WWOX: variants seen among roughly 807,000 people sequenced by gnomAD.
WWOX encodes the protein WW domain containing oxidoreductase.
In WWOX, 69 loss-of-function variants were observed where a neutral mutation model predicts 46.2. The ratio of observed to expected loss-of-function variants is 1.49; its 90% CI spans 1.23 to 1.82. WWOX has a LOEUF of 1.82. WWOX is among the 40% of genes most tolerant of loss of function. WWOX has a pLI of 0.00. For missense variants in WWOX, 919 were observed against 542.6 expected, an observed-to-expected ratio of 1.69 and a Z score of -6.89; for synonymous variants, 359 against 202.6, an observed-to-expected ratio of 1.77 and a Z score of -6.56.
intron 8 of WWOX, among the ~76,000 whole-genome samples, chr16:78,846,158 A>T (rs2052293600): frequency 6.6e-6 from 1 of 152,196 alleles, no homozygotes; most frequent in African/African-American, 2.4e-5. Flanking sequence ...TTTGAAATAA[A>T]TGTTGGCTTA....
chr16:78,327,899 G>C (rs1380898798), intron 5 of WWOX, among the ~76,000 whole-genome samples: 2 of 90,826 alleles, frequency 2.2e-5, no homozygotes, highest in Non-Finnish European at 4.1e-5. Context: ...TTTTTTTTGA[G>C]ATGATCTTCT....
At chr16:78,901,964 G>C (rs1012386894) in intron 8 of WWOX, among the ~76,000 whole-genome samples, 1 of 152,220 alleles carries the variant, frequency 6.6e-6, no homozygotes, top group Non-Finnish European at 1.5e-5. Context: ...ACTCCATTAT[G>C]TGTGTATTTC....
At chr16:78,408,529 T>A (rs541803961) in intron 6 of WWOX, among the ~76,000 whole-genome samples, 13 of 152,276 alleles carry the variant, frequency 8.5e-5, no homozygotes, top group East Asian at 3.9e-4. Context: ...GACAAGCAGT[T>A]GGACCTAGCT....
intron 8 of WWOX, among the ~76,000 whole-genome samples, chr16:78,432,983 A>G (rs2083260192): frequency 6.6e-6 from 1 of 152,086 alleles, no homozygotes; most frequent in Non-Finnish European, 1.5e-5. Flanking sequence ...TATCATGTTA[A>G]GTATGGCTGA....
intron 8 of WWOX, among the ~76,000 whole-genome samples, chr16:78,806,839 T>C (rs552516840): frequency 1.3e-4 from 20 of 152,290 alleles, no homozygotes; most frequent in Non-Finnish European, 1.3e-4. Flanking sequence ...ATGGCCACTT[T>C]TGAAAGATGC....
intron 8 of WWOX, among the ~76,000 whole-genome samples, chr16:79,138,970 A>G (rs570813106): frequency 4.6e-5 from 7 of 152,102 alleles, no homozygotes; most frequent in African/African-American, 9.7e-5. Flanking sequence ...GTCTTCCCCC[A>G]TCCACACATA....
chr16:78,877,635 C>G (rs1357792430), intron 8 of WWOX, among the ~76,000 whole-genome samples: 1 of 152,176 alleles, frequency 6.6e-6, no homozygotes, highest in Non-Finnish European at 1.5e-5. Context: ...GAGACATAGA[C>G]ATACATGAGT....
intron 8 of WWOX, among the ~76,000 whole-genome samples, chr16:78,664,250 G>T (rs79708909): frequency 6.6e-6 from 1 of 152,118 alleles, no homozygotes; most frequent in African/African-American, 2.4e-5. Context: ...GTCAGTTTTC[G>T]TGTCTCCCTC....
intron 6 of WWOX, among the ~76,000 whole-genome samples, chr16:78,406,970 C>T (rs1455661739): frequency 2.0e-5 from 3 of 152,150 alleles, no homozygotes; most frequent in African/African-American, 4.8e-5. Context: ...TACCTAAAAT[C>T]ATCTTGTTTT....
chr16:79,003,884 C>T (rs1231702258), intron 8 of WWOX, among the ~76,000 whole-genome samples: 1 of 152,148 alleles, frequency 6.6e-6, no homozygotes, highest in African/African-American at 2.4e-5. Flanking sequence ...ACACAGACTC[C>T]ACCTCTCGAT....
intron 8 of WWOX, among the ~76,000 whole-genome samples, chr16:79,100,529 G>C (rs192587902): frequency 6.6e-6 from 1 of 152,086 alleles, no homozygotes; most frequent in Non-Finnish European, 1.5e-5. Context: ...TGAATACCCC[G>C]TTAGTTCCAG....
intron 8 of WWOX, among the ~76,000 whole-genome samples, chr16:78,791,399 A>C (rs2050596103): frequency 6.6e-6 from 1 of 152,186 alleles, no homozygotes. Context: ...TGGCATGGGC[A>C]GTGGAGACAT....
At position 78,505,019 on chromosome 16, in the gene WWOX, T is replaced by C. The variant is rs779984360; in HGVS notation, c.1056+72267T>C. On this transcript the variant is annotated intron_variant, in intron 8 of 8. Transcript: ENST00000566780. ...GCCTTTGTGCACGAAAGGAGATAAA[T>C]GGTGTATTTCACACAGTTCCTTCTC... 3.3e-4 allele frequency among the ~76,000 whole-genome samples: 51 copies of C among 152,294 alleles called. 1 individual carries two copies. Among genetic ancestry groups the C allele is most frequent in the Non-Finnish European group, 5.7e-4 (39 of 68,016 alleles).
intron 8 of WWOX, among the ~76,000 whole-genome samples, chr16:78,705,991 G>C (rs1246678743): frequency 6.6e-6 from 1 of 150,702 alleles, no homozygotes; most frequent in Non-Finnish European, 1.5e-5. Flanking sequence ...GACTCAGATA[G>C]GTGTGTATTC....
chr16:78,935,065 C>T (rs2045707648), intron 8 of WWOX, among the ~76,000 whole-genome samples: 1 of 152,196 alleles, frequency 6.6e-6, no homozygotes, highest in South Asian at 2.1e-4. Context: ...TACCATCTCA[C>T]ACCAGTTAGA....
rs77078743 is a variant in WWOX, at chr16:78,876,330, C to T, written c.1057-335278C>T. Among the ~76,000 whole-genome samples the T allele has an allele frequency of 9.5e-3, 1,445 of 151,906 alleles. 68 individuals carry two copies. In the East Asian group the frequency reaches 0.11, roughly 12 times the overall value. On this transcript the variant is annotated intron_variant, in intron 8 of 8. Coordinates refer to ENST00000566780, the MANE Select transcript of WWOX (RefSeq NM_016373.4). Reference sequence around the variant, plus strand: ...GCTGCTTATGGCCATGCCCTTTCTTCTGCACTTTGGGTGTTTTGTCTGGAA... The same window carrying T: ...GCTGCTTATGGCCATGCCCTTTCTTTTGCACTTTGGGTGTTTTGTCTGGAA...
intron 4 of WWOX, among the ~76,000 whole-genome samples, chr16:78,129,167 C>G (rs746513160): frequency 6.6e-6 from 1 of 152,106 alleles, no homozygotes; most frequent in Admixed American, 6.5e-5. Flanking sequence ...CGCCACTTGC[C>G]CAGTGTTTCT....
intron 8 of WWOX, among the ~76,000 whole-genome samples, chr16:78,589,400 G>A (rs951413540): frequency 6.6e-6 from 1 of 152,168 alleles, no homozygotes; most frequent in African/African-American, 2.4e-5. Flanking sequence ...TACCTTGTTG[G>A]TATCCGCAGA....
intron 8 of WWOX, among the ~76,000 whole-genome samples, chr16:78,906,132 C>T (rs1028586925): frequency 2.6e-5 from 4 of 152,182 alleles, no homozygotes; most frequent in African/African-American, 4.8e-5. Context: ...CCATGGAAGT[C>T]TGTAAACCCA....
Sources: gnomAD v4.1 joint callset for allele counts (sites outside exome capture counted in the v4.1 genomes callset) on GRCh38, gnomAD v4.1.1 for gene constraint, MANE v1.5 for transcripts, NCBI Gene and HGNC (gene_info 2026-07-23, HGNC 2026-07-21) for gene names.